The following ELF1 variants were observed in gnomAD, a reference collection of about 807,000 sequenced individuals.
ELF1 encodes ETS-related transcription factor Elf-1.
A neutral mutation model predicts 59.9 loss-of-function variants in ELF1; 24 were observed. The observed-to-expected ratio is 0.40, with a 90% CI of 0.29 to 0.56. ELF1 has a LOEUF of 0.56. Ranked by LOEUF, ELF1 falls within the 20% of genes least tolerant of loss-of-function variation. The pLI is 0.44. For synonymous variants in ELF1, 248 were observed against 266.2 expected, an observed-to-expected ratio of 0.93 and a Z score of 0.67; for missense variants, 627 against 742.2, an observed-to-expected ratio of 0.84 and a Z score of 1.80.
At chr13:40,961,587 T>C (rs889518456) in intron 2 of ELF1, among the ~76,000 whole-genome samples, 1 of 152,078 alleles carries the variant, frequency 6.6e-6, no homozygotes, top group African/African-American at 2.4e-5. Flanking sequence ...AGAAAAAAAT[T>C]ATACCGTAAC....
intron 1 of ELF1, among the ~76,000 whole-genome samples, chr13:41,045,195 A>C (rs1268144417): frequency 6.7e-6 from 1 of 148,454 alleles, no homozygotes; most frequent in African/African-American, 2.5e-5. Context: ...TTTCTTCATT[A>C]GTCTTGCTAG....
At chr13:41,050,887 T>C (rs1045941888) in intron 1 of ELF1, among the ~76,000 whole-genome samples, 1 of 152,232 alleles carries the variant, frequency 6.6e-6, no homozygotes, top group Non-Finnish European at 1.5e-5. Flanking sequence ...CTGTTTTCCA[T>C]TGTGGCCAGA....
intron 1 of ELF1, chr13:40,993,472 G>A (rs1442044427): frequency 1.7e-6 from 1 of 576,698 alleles, no homozygotes; most frequent in Non-Finnish European, 3.0e-6. Flanking sequence ...CACCCAGCGG[G>A]CGAGGAACTA....
At chr13:41,025,429 T>G (rs966181580) in intron 1 of ELF1, among the ~76,000 whole-genome samples, 1 of 152,192 alleles carries the variant, frequency 6.6e-6, no homozygotes, top group African/African-American at 2.4e-5. Context: ...CTTTATCCAG[T>G]CCAGTGGTTT....
At chr13:40,938,627 T>C (rs1057155250) in intron 8 of ELF1, among the ~76,000 whole-genome samples, 14 of 152,196 alleles carry the variant, frequency 9.2e-5, no homozygotes, top group African/African-American at 3.4e-4. Flanking sequence ...TCTATTCTCA[T>C]TGAGCTATGA....
At chr13:40,940,560 A>G (rs3887418) in intron 8 of ELF1, among the ~76,000 whole-genome samples, 79,919 of 152,038 alleles carry the variant, frequency 0.53, 24,658 homozygotes, top group Non-Finnish European at 0.68. Context: ...TGCACTCTCA[A>G]TGTCCTAATA....
At chr13:40,964,629 G>T (rs1290962791) in intron 2 of ELF1, among the ~76,000 whole-genome samples, 2 of 151,978 alleles carry the variant, frequency 1.3e-5, no homozygotes, top group East Asian at 3.8e-4. Context: ...CTGCCTCCCG[G>T]GCTCAAGCGA....
At chr13:40,953,338 A>G in intron 3 of ELF1, among the ~76,000 whole-genome samples, 1 of 152,194 alleles carries the variant, frequency 6.6e-6, no homozygotes, top group East Asian at 1.9e-4. Flanking sequence ...TTCTATGTTG[A>G]CATGCTAACC....
At chr13:41,037,913 A>C (rs1392725062) in intron 1 of ELF1, among the ~76,000 whole-genome samples, 1 of 152,212 alleles carries the variant, frequency 6.6e-6, no homozygotes, top group African/African-American at 2.4e-5. Flanking sequence ...CTAAGAATTC[A>C]ATTACAAGTT....
chr13:41,019,142 C>T, intron 1 of ELF1, 86 bp downstream of exon 1: 1 of 946,632 alleles, frequency 1.1e-6, no homozygotes, highest in Non-Finnish European at 1.3e-6. Flanking sequence ...CACATTCAGC[C>T]ATGTTCTTCA....
At chr13:41,042,010 T>C (rs571081221) in intron 1 of ELF1, among the ~76,000 whole-genome samples, 3 of 152,250 alleles carry the variant, frequency 2.0e-5, no homozygotes, top group East Asian at 3.9e-4. Flanking sequence ...CTATAGGAGA[T>C]ATTATTTATT....
At position 40,932,278 on chromosome 13, in the gene ELF1, ACATTT is replaced by A. The variant is rs1439003264; in HGVS notation, c.*1142_*1146del. ...TTACAGTTGAAAAAGTAATCTAAAAACATTTCATTTCAGAAAGTTGGATATATATG... is the reference window on the plus strand; with the variant it reads ...TTACAGTTGAAAAAGTAATCTAAAAACATTTCAGAAAGTTGGATATATATG... On this transcript the variant is annotated 3_prime_UTR_variant, in exon 9 of 9. Transcript: ENST00000239882. 1.3e-5 allele frequency: 2 copies of A among 152,192 alleles called. No individual in the cohort carries two copies. The highest frequency in any genetic ancestry group is 4.8e-5 in the African/African-American group (2 of 41,440). 9.4% of individuals were successfully genotyped at this position (152,192 alleles called of 1,614,324 possible).
In ELF1 at chr13:41,045,079, C is replaced by T. The variant is rs147777713; in HGVS notation, c.-229+15759G>A. Among the ~76,000 whole-genome samples the T allele has an allele frequency of 4.0e-3, 615 of 152,256 alleles. 6 individuals are homozygous for T. Among genetic ancestry groups the T allele is most frequent in the African/African-American group, 0.014 (589 of 41,558 alleles). On this transcript the variant is annotated intron_variant, in intron 1 of 1. Coordinates refer to the ELF1 transcript ENST00000405737. ...TCTTCTAGATTTTCTAGTTTATTTG[C>T]ATAGAGGTATTTATAGTATTCTCTG...
chr13:41,032,497 C>A (rs939386351), intron 1 of ELF1, among the ~76,000 whole-genome samples: 4 of 152,146 alleles, frequency 2.6e-5, no homozygotes, highest in East Asian at 1.9e-4. Flanking sequence ...GGATTACAGG[C>A]GTGAGCCCCT....
intron 3 of ELF1, among the ~76,000 whole-genome samples, chr13:40,954,675 C>T (rs923371371): frequency 3.3e-5 from 5 of 152,166 alleles, no homozygotes; most frequent in African/African-American, 9.6e-5. Flanking sequence ...GTCTCCAGCT[C>T]CTAACCGCGA....
chr13:41,047,913 C>A (rs931079387), intron 1 of ELF1, among the ~76,000 whole-genome samples: 5 of 152,246 alleles, frequency 3.3e-5, no homozygotes, highest in African/African-American at 1.2e-4. Context: ...CCTTGAGCTG[C>A]AATGGGCTCC....
intron 1 of ELF1, among the ~76,000 whole-genome samples, chr13:41,040,396 CATA>C (rs1244904706): frequency 2.0e-5 from 3 of 152,158 alleles, no homozygotes; most frequent in Admixed American, 2.0e-4. Flanking sequence ...TATGTGATCA[CATA>C]ATACTTATAT....
chr13:41,010,921 G>T (rs1875029684), intron 1 of ELF1, among the ~76,000 whole-genome samples: 1 of 152,014 alleles, frequency 6.6e-6, no homozygotes, highest in Admixed American at 6.6e-5. Flanking sequence ...TAAAAACCTG[G>T]GTTAAGATCT....
intron 5 of ELF1, among the ~76,000 whole-genome samples, chr13:40,947,027 A>T (rs1241255564): frequency 6.6e-6 from 1 of 152,006 alleles, no homozygotes; most frequent in Non-Finnish European, 1.5e-5. Flanking sequence ...TGTTGAATGT[A>T]CCAATCGTAT....
Sources: allele counts gnomAD v4.1 joint callset (sites outside exome capture counted in the v4.1 genomes callset), GRCh38; gene constraint gnomAD v4.1.1; transcripts MANE v1.5; gene names NCBI Gene and HGNC (gene_info 2026-07-23, HGNC 2026-07-21).